MEGF11: variants seen among roughly 807,000 people sequenced by gnomAD.
MEGF11 encodes multiple epidermal growth factor-like domains protein 11.
A neutral mutation model predicts 146.6 loss-of-function variants in MEGF11; 126 were observed. The ratio of observed to expected loss-of-function variants is 0.86; its 90% CI spans 0.74 to 1.00. The LOEUF (loss-of-function observed/expected upper bound fraction) is 1.00, where lower values mean the gene tolerates loss of function less well. Among genes scored for constraint, MEGF11 ranks in the 50% least tolerant of loss-of-function variants. The pLI is 0.00. For synonymous variants in MEGF11, 532 were observed against 583.4 expected (o/e 0.91, Z 1.27); for missense variants, 1,509 against 1,521.2 (o/e 0.99, Z 0.13).
At chr15:66,013,916 G>T (rs946499886) in intron 5 of MEGF11, among the ~76,000 whole-genome samples, 6 of 152,174 alleles carry the variant, frequency 3.9e-5, no homozygotes, top group Non-Finnish European at 7.3e-5. Flanking sequence ...GATCATAGAG[G>T]TCTTATCAAT....
intron 5 of MEGF11, among the ~76,000 whole-genome samples, chr15:66,078,119 ATGC>A (rs746664271): frequency 1.3e-5 from 2 of 152,146 alleles, no homozygotes; most frequent in Admixed American, 6.5e-5. Context: ...AGTTCAAATC[ATGC>A]TGCTGCTGCT....
intron 5 of MEGF11, among the ~76,000 whole-genome samples, chr15:66,048,159 T>G (rs1351486532): frequency 2.0e-5 from 3 of 152,212 alleles, no homozygotes; most frequent in South Asian, 4.1e-4. Context: ...TTGGCCAGGC[T>G]GCTCTTGAAT....
At chr15:66,222,894 T>A (rs1453894410) in intron 1 of MEGF11, among the ~76,000 whole-genome samples, 1 of 152,218 alleles carries the variant, frequency 6.6e-6, no homozygotes, top group Non-Finnish European at 1.5e-5. Flanking sequence ...CTGGTGGGAA[T>A]GTAAAATGGT....
chr15:65,900,928 G>A (rs946823433), intron 24 of MEGF11, among the ~76,000 whole-genome samples: 2 of 152,210 alleles, frequency 1.3e-5, no homozygotes, highest in Non-Finnish European at 2.9e-5. Context: ...GATGCTGGTT[G>A]ACTTTTATTT....
intron 5 of MEGF11, among the ~76,000 whole-genome samples, chr15:66,037,284 G>A (rs1463387678): frequency 2.0e-5 from 3 of 152,284 alleles, no homozygotes; most frequent in Non-Finnish European, 2.9e-5. Flanking sequence ...CTTACCATGA[G>A]TCAATGAACC....
chr15:65,916,165 C>G lies in MEGF11; in HGVS notation c.2327G>C (p.Gly776Ala), dbSNP rs760602131. The change falls in exon 18 of 26, where the codon GGG becomes GCG. Residue 776 changes from glycine (G) to alanine (A), a missense_variant. Coordinates refer to ENST00000395614, the MANE Select transcript of MEGF11 (RefSeq NM_001385028.1). The stretch of plus-strand genomic sequence containing the variant: ...CAGCTTACTCTGCTCACAGTGTTGC[C>G]CGGTGAAGCCTGTGCGGCAGGTGCA... ...GKCTCRTGFTGQHCEQRCAPG... is the reference protein window; with the variant it reads ...GKCTCRTGFTAQHCEQRCAPG... 1.1e-5 allele frequency: 18 copies of G among 1,590,312 alleles called. No homozygotes were observed. In the East Asian group the frequency reaches 4.1e-4, roughly 36 times the overall value.
At chr15:65,923,336 A>G (rs943391078) in intron 13 of MEGF11, among the ~76,000 whole-genome samples, 6 of 152,224 alleles carry the variant, frequency 3.9e-5, no homozygotes, top group African/African-American at 1.4e-4. Context: ...ACCAGATCAC[A>G]AGGGCCTCTT....
intron 5 of MEGF11, among the ~76,000 whole-genome samples, chr15:66,028,683 T>C (rs1405996572): frequency 6.6e-6 from 1 of 152,216 alleles, no homozygotes. Context: ...TAAATTATGG[T>C]ATATAAACCC....
At chr15:66,182,770 A>G (rs2090586809) in intron 1 of MEGF11, among the ~76,000 whole-genome samples, 1 of 152,182 alleles carries the variant, frequency 6.6e-6, no homozygotes. Context: ...TTCCACTTGC[A>G]AAATAAGCGA....
In MEGF11 at chr15:66,039,816, T is replaced by TTCTCTCATCCCTACCTC. The variant is rs1241635177; in HGVS notation, c.394+54585_394+54586insGAGGTAGGGATGAGAGA. Among the ~76,000 whole-genome samples, 105 of 55,020 alleles carry TTCTCTCATCCCTACCTC rather than the reference T, an allele frequency of 1.9e-3. 3 individuals carry two copies. The highest frequency in any genetic ancestry group is 8.9e-3 in the Middle Eastern group (1 of 112). The allele number at this position is 55,020 out of a possible 152,430, so 36.1% of individuals were successfully genotyped here. A position where few individuals can be genotyped will look rare whatever the true frequency, so the allele number is the denominator to read the frequency against. ...TCAGGCGGCGGTGGGGTGACGGTCC[T>TTCTCTCATCCCTACCTC]GAGCCGGGTCAGGCGGCGGTGGGGT... On this transcript the variant is annotated intron_variant, in intron 5 of 25. Transcript: ENST00000395614.
At chr15:66,235,282 G>A (rs1328803825) in intron 1 of MEGF11, among the ~76,000 whole-genome samples, 1 of 152,060 alleles carries the variant, frequency 6.6e-6, no homozygotes, top group African/African-American at 2.4e-5. Context: ...GAGGAGGATT[G>A]CTTGAGTCCA....
chr15:66,012,604 C>T (rs2140121263), intron 5 of MEGF11, among the ~76,000 whole-genome samples: 1 of 152,350 alleles, frequency 6.6e-6, no homozygotes, highest in Non-Finnish European at 1.5e-5. Flanking sequence ...TAATTAGGTT[C>T]CATTGATTGG....
intron 5 of MEGF11, among the ~76,000 whole-genome samples, chr15:65,994,481 T>C (rs1424149721): frequency 6.6e-6 from 1 of 152,198 alleles, no homozygotes; most frequent in Non-Finnish European, 1.5e-5. Flanking sequence ...TGTTGCCCTA[T>C]TCATGCTGGA....
Position 66,018,025 on chromosome 15 carries a change from A to T in MEGF11, c.395-35537T>A, listed in dbSNP as rs35631855. Among the ~76,000 whole-genome samples the T allele has an allele frequency of 6.5e-3, 988 of 152,316 alleles. 5 individuals are homozygous for T. Among genetic ancestry groups the T allele is most frequent in the Non-Finnish European group, 0.01 (684 of 68,024 alleles). On this transcript the variant is annotated intron_variant, in intron 5 of 25. Coordinates refer to ENST00000395614, the MANE Select transcript of MEGF11 (RefSeq NM_001385028.1). ...GTGGGCTTGAAGCCAGAAACAGTCA[A>T]GTGGTGAATGTGAGAGGGAGCGGGG...
At chr15:66,189,928 C>T (rs2090825601) in intron 1 of MEGF11, among the ~76,000 whole-genome samples, 1 of 152,164 alleles carries the variant, frequency 6.6e-6, no homozygotes, top group South Asian at 2.1e-4. Flanking sequence ...CTGTAGTGAG[C>T]TATGATTGTA....
intron 3 of MEGF11, among the ~76,000 whole-genome samples, chr15:66,120,994 A>G (rs1327612566): frequency 6.6e-6 from 1 of 152,228 alleles, no homozygotes; most frequent in Non-Finnish European, 1.5e-5. Context: ...CTCTCAGGGG[A>G]AGGATGCTGG....
chr15:66,116,741 G>A (rs763054337), intron 4 of MEGF11, among the ~76,000 whole-genome samples: 6 of 152,192 alleles, frequency 3.9e-5, no homozygotes, highest in Non-Finnish European at 7.3e-5. Context: ...GCAACTAAAA[G>A]CCAGGACTCA....
intron 1 of MEGF11, among the ~76,000 whole-genome samples, chr15:66,163,859 G>A (rs1021635683): frequency 2.0e-5 from 3 of 152,204 alleles, no homozygotes; most frequent in Admixed American, 2.0e-4. Context: ...TGCACACGAG[G>A]CACAGATGCG....
At chr15:66,186,211 C>T (rs748901630) in intron 1 of MEGF11, among the ~76,000 whole-genome samples, 7 of 152,194 alleles carry the variant, frequency 4.6e-5, no homozygotes, top group South Asian at 2.1e-4. Flanking sequence ...ATAGACCCTC[C>T]GGGAAGCAGA....
Sources: allele counts gnomAD v4.1 joint callset (sites outside exome capture counted in the v4.1 genomes callset), GRCh38; gene constraint gnomAD v4.1.1; transcripts MANE v1.5; gene names NCBI Gene and HGNC (gene_info 2026-07-23, HGNC 2026-07-21).